The following FRMD3 variants were observed in gnomAD, a reference collection of about 807,000 sequenced individuals.
The protein encoded by FRMD3 is FERM domain-containing protein 3.
FRMD3 carries 33 observed loss-of-function variants against 70.2 expected under a neutral mutation model. That is an observed-to-expected ratio of 0.47 (90% CI 0.36 to 0.63). The LOEUF is 0.63. Ranked by LOEUF, FRMD3 falls within the 20% of genes least tolerant of loss-of-function variation. The pLI is 0.00. For missense variants in FRMD3, 632 were observed against 711.4 expected (o/e 0.89, Z 1.27); for synonymous variants, 279 against 255.9 (o/e 1.09, Z -0.86).
At chr9:83,418,773 T>C (rs1028609672) in intron 1 of FRMD3, among the ~76,000 whole-genome samples, 3 of 152,184 alleles carry the variant, frequency 2.0e-5, no homozygotes, top group Admixed American at 2.0e-4. Context: ...GCAATCCCAC[T>C]ACTGGGTATC....
chr9:83,280,715 A>T (rs542774868), intron 13 of FRMD3, among the ~76,000 whole-genome samples: 7 of 152,356 alleles, frequency 4.6e-5, no homozygotes, highest in Non-Finnish European at 1.0e-4. Flanking sequence ...AATTAGATAC[A>T]TGTATATCTG....
intron 8 of FRMD3, among the ~76,000 whole-genome samples, chr9:83,311,529 T>G (rs1209420818): frequency 6.6e-6 from 1 of 151,914 alleles, no homozygotes; most frequent in Non-Finnish European, 1.5e-5. Flanking sequence ...TGGAAAGAAG[T>G]GAGTTGGGGA....
intron 3 of FRMD3, among the ~76,000 whole-genome samples, chr9:83,366,878 T>TAA (rs1459087085): frequency 6.6e-6 from 1 of 151,824 alleles, no homozygotes; most frequent in Non-Finnish European, 1.5e-5. Flanking sequence ...CTAAAAACTC[T>TAA]AAGTGATAGC....
intron 1 of FRMD3, among the ~76,000 whole-genome samples, chr9:83,437,577 T>C (rs887725660): frequency 1.3e-5 from 2 of 152,184 alleles, no homozygotes; most frequent in Non-Finnish European, 2.9e-5. Context: ...TCACGAAGCC[T>C]AGGAAGGTTC....
intron 11 of FRMD3, 64 bp downstream of exon 11, chr9:83,299,048 A>G: frequency 8.0e-7 from 1 of 1,250,620 alleles, no homozygotes. Context: ...TGCAAGCAGA[A>G]TTTTGAAATT....
At chr9:83,442,377 C>T (rs954322868) in intron 1 of FRMD3, among the ~76,000 whole-genome samples, 1 of 151,534 alleles carries the variant, frequency 6.6e-6, no homozygotes, top group Non-Finnish European at 1.5e-5. Context: ...CCTGCCTCAG[C>T]CTCCCAAGTA....
chr9:83,338,001 C>A (rs2131147913), intron 5 of FRMD3, among the ~76,000 whole-genome samples: 1 of 152,290 alleles, frequency 6.6e-6, no homozygotes, highest in East Asian at 1.9e-4. Flanking sequence ...AACATATCTT[C>A]ACAATCTAAA....
chr9:83,576,025 T>C, the FRMD3 span, among the ~76,000 whole-genome samples: 1 of 151,714 alleles, frequency 6.6e-6, no homozygotes, highest in Non-Finnish European at 1.5e-5. Flanking sequence ...TTGGGCAATA[T>C]AGCAAGACCT....
intron 5 of FRMD3, among the ~76,000 whole-genome samples, chr9:83,342,263 T>G (rs1325133953): frequency 6.6e-6 from 1 of 152,078 alleles, no homozygotes; most frequent in Admixed American, 6.5e-5. Flanking sequence ...CCTCCTTCCC[T>G]CAAACCACTT....
At chr9:83,429,749 T>G (rs1464630915) in intron 1 of FRMD3, among the ~76,000 whole-genome samples, 2 of 152,200 alleles carry the variant, frequency 1.3e-5, no homozygotes, top group South Asian at 2.1e-4. Context: ...TCTCTTGGAT[T>G]CCATTTTGCC....
chr9:83,412,732 C>T (rs1267843177), intron 1 of FRMD3, among the ~76,000 whole-genome samples: 7 of 152,174 alleles, frequency 4.6e-5, no homozygotes, highest in East Asian at 1.9e-4. Context: ...CGGTGGCTCA[C>T]GCCTGTAATC....
At chr9:83,291,537 C>T (rs1395412572) in intron 12 of FRMD3, among the ~76,000 whole-genome samples, 1 of 152,126 alleles carries the variant, frequency 6.6e-6, no homozygotes, top group African/African-American at 2.4e-5. Flanking sequence ...CCCTGGAAGC[C>T]TTCCCAGATT....
intron 1 of FRMD3, among the ~76,000 whole-genome samples, chr9:83,443,823 G>A (rs568989940): frequency 6.6e-6 from 1 of 152,138 alleles, no homozygotes; most frequent in African/African-American, 2.4e-5. Context: ...ACTTTTTAAT[G>A]ATCGCCATTC....
At chr9:83,350,885 G>A in intron 3 of FRMD3, 1 of 452,316 alleles carries the variant, frequency 2.2e-6, no homozygotes, top group Non-Finnish European at 2.9e-6. Context: ...ACTGATAAAT[G>A]CATACCAGTG....
chr9:83,435,944 A>T (rs1827121684), intron 1 of FRMD3, among the ~76,000 whole-genome samples: 1 of 152,188 alleles, frequency 6.6e-6, no homozygotes, highest in African/African-American at 2.4e-5. Flanking sequence ...AATCCCCAGA[A>T]CCTTAATTTG....
chr9:83,465,050 C>A (rs62560302), intron 1 of FRMD3, among the ~76,000 whole-genome samples: 4 of 57,812 alleles, frequency 6.9e-5, no homozygotes, highest in East Asian at 7.2e-4. Flanking sequence ...GAAGAAGAAG[C>A]AGCAGCTTAA....
chr9:83,280,188 A>G (rs1440895003), intron 13 of FRMD3, among the ~76,000 whole-genome samples: 1 of 152,202 alleles, frequency 6.6e-6, no homozygotes, highest in Non-Finnish European at 1.5e-5. Context: ...GGTCATATCA[A>G]TGTCCAGCAC....
chr9:83,272,523 G>A (rs1347433191), intron 13 of FRMD3, among the ~76,000 whole-genome samples: 1 of 152,056 alleles, frequency 6.6e-6, no homozygotes, highest in African/African-American at 2.4e-5. Flanking sequence ...CTGCCCGGCC[G>A]CCACCCCCTC....
In FRMD3 at chr9:83,245,349, A is replaced by AACTT; in HGVS notation, c.*2565_*2568dup. The AACTT allele has an allele frequency of 1.0e-6, 1 of 985,440 alleles. No individual in the cohort carries two copies. Among genetic ancestry groups the AACTT allele is most frequent in the Non-Finnish European group, 1.2e-6 (1 of 829,924 alleles). 61.0% of individuals were successfully genotyped at this position (985,440 alleles called of 1,614,324 possible). ...GCAACTGGTGACTATCTTCTAACAA[A>AACTT]ACTTAAATGGATGTTTCTAAAAGGC... On this transcript the variant is annotated 3_prime_UTR_variant, in exon 14 of 14. Transcript: ENST00000304195.
Sources: gnomAD v4.1 joint callset for allele counts (sites outside exome capture counted in the v4.1 genomes callset) on GRCh38, gnomAD v4.1.1 for gene constraint, MANE v1.5 for transcripts, NCBI Gene and HGNC (gene_info 2026-07-23, HGNC 2026-07-21) for gene names.